ATG2B: variants seen among roughly 807,000 people sequenced by gnomAD.
ATG2B encodes autophagy related 2B, also known as autophagy-related protein 2 homolog B.
In ATG2B, 121 loss-of-function variants were observed where a neutral mutation model predicts 241.3. That is an observed-to-expected ratio of 0.50 (90% CI 0.43 to 0.58). The LOEUF is 0.58. Ranked by LOEUF, ATG2B falls within the 20% of genes least tolerant of loss-of-function variation. ATG2B has a pLI of 0.00. For synonymous variants in ATG2B, 858 were observed against 876.6 expected (o/e 0.98, Z 0.37); for missense variants, 2,306 against 2,491.6 (o/e 0.93, Z 1.59).
intron 33 of ATG2B, among the ~76,000 whole-genome samples, 181 bp downstream of exon 33, chr14:96,302,880 A>G (rs1886830255): frequency 6.6e-6 from 1 of 152,236 alleles, no homozygotes; most frequent in South Asian, 2.1e-4. Context: ...GGACCCTAGA[A>G]GTGACATGCA....
At chr14:96,321,556 G>C (rs1393274439) in intron 18 of ATG2B, among the ~76,000 whole-genome samples, 1 of 152,178 alleles carries the variant, frequency 6.6e-6, no homozygotes, top group African/African-American at 2.4e-5. Flanking sequence ...GAGTCTTACA[G>C]AGGCTAGATA....
At chr14:96,338,912 A>G (rs1204306973) in intron 6 of ATG2B, among the ~76,000 whole-genome samples, 2 of 152,212 alleles carry the variant, frequency 1.3e-5, no homozygotes, top group Non-Finnish European at 2.9e-5. Context: ...TCCAGAATCT[A>G]CAAGGAGTTC....
intron 1 of ATG2B, among the ~76,000 whole-genome samples, chr14:96,361,364 G>A (rs1888623030): frequency 6.6e-6 from 1 of 152,118 alleles, no homozygotes; most frequent in Non-Finnish European, 1.5e-5. Flanking sequence ...GTGTGATGGG[G>A]CAAACTGCTT....
Position 96,286,004 on chromosome 14 carries a change from TAGG to T in ATG2B, c.6007-22_6007-20del. The T allele has an allele frequency of 6.3e-7, 1 of 1,589,300 alleles. No homozygotes were observed. The highest frequency in any genetic ancestry group is 8.6e-7 in the Non-Finnish European group (1 of 1,161,034). On this transcript the variant is annotated intron_variant, in intron 41 of 41. Transcript: ENST00000359933. ...TGATTCCCTGCGTAGAGGAGGGAGGTAGGAGAGAGGAGGGCAGTGAACAAACTC... is the reference window on the plus strand; with the variant it reads ...TGATTCCCTGCGTAGAGGAGGGAGGTAGAGAGGAGGGCAGTGAACAAACTC...
chr14:96,340,878 A>ACTGCACCC (rs1888014903), intron 6 of ATG2B, among the ~76,000 whole-genome samples: 1 of 147,618 alleles, frequency 6.8e-6, no homozygotes, highest in Non-Finnish European at 1.5e-5. Context: ...AGATCTTGTC[A>ACTGCACCC]CTGCACCCCT....
At chr14:96,348,875 C>G (rs531616570) in intron 1 of ATG2B, among the ~76,000 whole-genome samples, 3 of 152,100 alleles carry the variant, frequency 2.0e-5, no homozygotes, top group Admixed American at 6.5e-5. Flanking sequence ...ATCTCACGTA[C>G]CCCATTAATA....
Position 96,305,707 on chromosome 14 carries a change from AG to A in ATG2B, c.4614del (p.Leu1539TyrfsTer7). The A allele has an allele frequency of 6.2e-7, 1 of 1,614,212 alleles. No homozygotes were observed. The highest frequency in any genetic ancestry group is 8.5e-7 in the Non-Finnish European group (1 of 1,180,012). On this transcript the variant is annotated frameshift_variant, in exon 31 of 42. Transcript: ENST00000359933. LOFTEE classifies it high-confidence loss of function. Reference sequence around the variant, plus strand: ...CGAATCACAGGAATGGGAAAGTGTAAGGGGGCTTTGCTCGTATCGGTCTTAT... The same window carrying A: ...CGAATCACAGGAATGGGAAAGTGTAAGGGGCTTTGCTCGTATCGGTCTTAT... The part of the protein sequence containing the change: ...PVNKTDTSKA[P>X]LHFPIPVIRY...
In ATG2B at chr14:96,332,286, A is replaced by C; in HGVS notation, c.1468+19T>G. On this transcript the variant is annotated intron_variant, in intron 10 of 41. Coordinates refer to ENST00000359933, the MANE Select transcript of ATG2B (RefSeq NM_018036.7). ...AAATTCCAGCGGAAACTAACAACAA[A>C]TGTCTTATTTTTACTTACATGTCTT... The C allele has an allele frequency of 6.3e-7, 1 of 1,579,578 alleles. No individual in the cohort carries two copies. Among genetic ancestry groups the C allele is most frequent in the Non-Finnish European group, 8.7e-7 (1 of 1,150,924 alleles).
intron 2 of ATG2B, among the ~76,000 whole-genome samples, chr14:96,346,184 A>G (rs1411688826): frequency 1.3e-5 from 2 of 152,154 alleles, no homozygotes; most frequent in Non-Finnish European, 2.9e-5. Flanking sequence ...AGATAAAATA[A>G]AAGAGCATCC....
intron 8 of ATG2B, 137 bp downstream of exon 8, chr14:96,333,551 A>C: frequency 1.3e-6 from 1 of 750,042 alleles, no homozygotes. Context: ...TCGTAAATTA[A>C]AAGTTGTGGA....
chr14:96,317,914 T>A, intron 18 of ATG2B, 59 bp from the exon 19 acceptor site: 3 of 1,253,330 alleles, frequency 2.4e-6, no homozygotes, highest in Admixed American at 2.6e-5. Flanking sequence ...GAAGGCAAAC[T>A]TAAAAAAAAA....
chr14:96,301,759 C>G (rs939153957), intron 34 of ATG2B, among the ~76,000 whole-genome samples: 13 of 152,076 alleles, frequency 8.5e-5, no homozygotes, highest in Non-Finnish European at 1.8e-4. Context: ...GATTAGAGAA[C>G]AAGAAGCAGG....
At chr14:96,305,084 C>T (rs1456468575) in intron 31 of ATG2B, among the ~76,000 whole-genome samples, 1 of 152,146 alleles carries the variant, frequency 6.6e-6, no homozygotes, top group Non-Finnish European at 1.5e-5. Context: ...CATGCCATGC[C>T]CCACCTCAAT....
chr14:96,292,648 C>T (rs78507038), intron 36 of ATG2B, among the ~76,000 whole-genome samples: 6,584 of 152,286 alleles, frequency 0.043, 357 homozygotes, highest in East Asian at 0.23. Flanking sequence ...GAACTCTCTG[C>T]TGCTCAGTCT....
chr14:96,296,170 AGT>A (rs1421380389), intron 34 of ATG2B, among the ~76,000 whole-genome samples: 1 of 152,170 alleles, frequency 6.6e-6, no homozygotes, highest in Non-Finnish European at 1.5e-5. Flanking sequence ...GACACTTTTA[AGT>A]GTCTTCAAAG....
Position 96,328,377 on chromosome 14 carries a change from C to T in ATG2B, c.2133G>A (p.Met711Ile). 1 of 1,612,216 alleles carries T rather than the reference C, an allele frequency of 6.2e-7. No homozygotes were observed. The highest frequency in any genetic ancestry group is 8.5e-7 in the Non-Finnish European group (1 of 1,179,342). Residue 711 changes from methionine to isoleucine, a missense_variant, in exon 14 of 42, where the codon ATG (methionine) becomes ATA (isoleucine). Met to Ile is a conservative substitution (Grantham distance 10). Coordinates refer to ENST00000359933, the MANE Select transcript of ATG2B (RefSeq NM_018036.7). ...LATVEMMASH[M>I]YTSYNKHISL... ...TAATATGTTTATTATATGAAGTATA[C>T]ATGTGGGATGCCATCATCTCTACTG...
chr14:96,313,524 C>A, intron 23 of ATG2B, 89 bp from the exon 24 acceptor site: 1 of 550,636 alleles, frequency 1.8e-6, no homozygotes, highest in Non-Finnish European at 3.1e-6. Context: ...ACCAGAATAT[C>A]TCACAGAAAA....
At chr14:96,339,192 G>C (rs1481042750) in intron 6 of ATG2B, among the ~76,000 whole-genome samples, 3 of 151,800 alleles carry the variant, frequency 2.0e-5, no homozygotes, top group Admixed American at 6.6e-5. Flanking sequence ...ATGTAAACTT[G>C]TACAACTATT....
rs1566708435 is a variant in ATG2B, at chr14:96,280,511, A to G, written c.*5244T>C. 6.6e-6 allele frequency: 1 copy of G among 152,164 alleles called. No homozygotes were observed. The highest frequency in any genetic ancestry group is 1.9e-4 in the East Asian group (1 of 5,192). 9.4% of individuals were successfully genotyped at this position (152,164 alleles called of 1,614,324 possible). A position where few individuals can be genotyped will look rare whatever the true frequency, so the allele number is the denominator to read the frequency against. On this transcript the variant is annotated 3_prime_UTR_variant, in exon 42 of 42. Coordinates refer to ENST00000359933, the MANE Select transcript of ATG2B (RefSeq NM_018036.7). ...AGCCATGGGTGAAGTGTGACTTGTC[A>G]TTTTTTCCCTAATTGTTCAAAGTGG...
Sources: gnomAD v4.1 joint callset for allele counts (sites outside exome capture counted in the v4.1 genomes callset) on GRCh38, gnomAD v4.1.1 for gene constraint, MANE v1.5 for transcripts, NCBI Gene and HGNC (gene_info 2026-07-23, HGNC 2026-07-21) for gene names.